FPR3: variants seen among roughly 807,000 people sequenced by gnomAD.
FPR3 encodes the protein formyl peptide receptor 3, also known as N-formyl peptide receptor 3.
For synonymous variants in FPR3, 135 were observed against 163.6 expected (o/e 0.83, Z 1.34); for missense variants, 346 against 443.2 (o/e 0.78, Z 1.97).
intron 1 of FPR3, among the ~76,000 whole-genome samples, chr19:51,806,501 T>A (rs1016493372): frequency 1.3e-5 from 2 of 152,138 alleles, no homozygotes; most frequent in Non-Finnish European, 2.9e-5. Flanking sequence ...TAAATGTAGT[T>A]TTGATTGAGG....
At chr19:51,807,268 T>G (rs898796898) in intron 1 of FPR3, among the ~76,000 whole-genome samples, 1 of 152,188 alleles carries the variant, frequency 6.6e-6, no homozygotes, top group African/African-American at 2.4e-5. Context: ...CTTGCAAGAC[T>G]GCATTCTTAA....
chr19:51,816,791 G>A (rs980625129), intron 1 of FPR3, among the ~76,000 whole-genome samples: 2 of 152,188 alleles, frequency 1.3e-5, no homozygotes, highest in South Asian at 2.1e-4. Flanking sequence ...GACAGCATCA[G>A]AACTGAATTT....
At chr19:51,812,093 G>A (rs2084101175) in intron 1 of FPR3, among the ~76,000 whole-genome samples, 1 of 152,154 alleles carries the variant, frequency 6.6e-6, no homozygotes, top group African/African-American at 2.4e-5. Flanking sequence ...TATGTTGGAG[G>A]TAGGTTGCTC....
chr19:51,796,288 G>A (rs2083998571), intron 1 of FPR3, among the ~76,000 whole-genome samples: 1 of 152,210 alleles, frequency 6.6e-6, no homozygotes, highest in African/African-American at 2.4e-5. Context: ...GAGCCCAGTG[G>A]GTGGAGCCCA....
chr19:51,817,394 A>G (rs2084145429), intron 1 of FPR3, among the ~76,000 whole-genome samples: 1 of 152,170 alleles, frequency 6.6e-6, no homozygotes, highest in Non-Finnish European at 1.5e-5. Context: ...TCATAAAGAG[A>G]GAGAGAGAGA....
At chr19:51,807,867 CT>C (rs1480139011) in intron 1 of FPR3, among the ~76,000 whole-genome samples, 1 of 152,198 alleles carries the variant, frequency 6.6e-6, no homozygotes, top group Non-Finnish European at 1.5e-5. Context: ...CATTTGTGAC[CT>C]ATGCCTGCCC....
In FPR3 at chr19:51,815,880, A is replaced by G. The variant is rs2084132497; in HGVS notation, c.-10-7859A>G. 2.1e-5 allele frequency among the ~76,000 whole-genome samples: 3 copies of G among 144,242 alleles called. No homozygotes were observed. In the South Asian group the frequency reaches 6.2e-4, roughly 30 times the overall value. The allele number at this position is 144,242 out of a possible 152,430, so 94.6% of individuals were successfully genotyped here. A position where few individuals can be genotyped will look rare whatever the true frequency, so the allele number is the denominator to read the frequency against. On this transcript the variant is annotated intron_variant, in intron 1 of 1. Coordinates refer to ENST00000339223, the MANE Select transcript of FPR3 (RefSeq NM_002030.5). ...CTGTCTCAAAAAAAAAAGAAAAAAG[A>G]AAAAAGAAAAAGAAGAAGAAAAAGA...
chr19:51,798,025 T>C (rs1425996917), intron 1 of FPR3, among the ~76,000 whole-genome samples: 1 of 151,834 alleles, frequency 6.6e-6, no homozygotes, highest in Non-Finnish European at 1.5e-5. Flanking sequence ...CTATTCTATT[T>C]AATCCTCCCC....
At chr19:51,823,165 T>G (rs2084203364) in intron 1 of FPR3, among the ~76,000 whole-genome samples, 1 of 152,148 alleles carries the variant, frequency 6.6e-6, no homozygotes, top group African/African-American at 2.4e-5. Context: ...GCCCGGCCTA[T>G]AGCATGTAAT....
At chr19:51,799,587 T>C (rs966284190) in intron 1 of FPR3, among the ~76,000 whole-genome samples, 6 of 152,220 alleles carry the variant, frequency 3.9e-5, no homozygotes, top group Non-Finnish European at 8.8e-5. Context: ...TGCTTGCTGG[T>C]GCTCCATTTT....
At chr19:51,818,404 C>G (rs560912373) in intron 1 of FPR3, among the ~76,000 whole-genome samples, 1 of 152,098 alleles carries the variant, frequency 6.6e-6, no homozygotes, top group Admixed American at 6.5e-5. Context: ...CATTGTGTTT[C>G]CATTGGACAG....
intron 1 of FPR3, among the ~76,000 whole-genome samples, chr19:51,820,302 T>G (rs74526737): frequency 1.3e-5 from 2 of 152,216 alleles, no homozygotes; most frequent in Admixed American, 6.5e-5. Context: ...ATTGTGACAT[T>G]GAACAAGTCA....
intron 1 of FPR3, among the ~76,000 whole-genome samples, chr19:51,813,158 A>C (rs970871397): frequency 7.4e-5 from 11 of 149,314 alleles, no homozygotes; most frequent in South Asian, 2.1e-4. Context: ...ACACACACAC[A>C]CACCCCATAA....
intron 1 of FPR3, among the ~76,000 whole-genome samples, chr19:51,796,448 T>A (rs183908427): frequency 8.9e-4 from 135 of 152,302 alleles, no homozygotes; most frequent in Non-Finnish European, 1.5e-3. Flanking sequence ...AACATCACCA[T>A]CTTATTGGAC....
At chr19:51,818,083 C>T (rs1331933690) in intron 1 of FPR3, among the ~76,000 whole-genome samples, 1 of 151,440 alleles carries the variant, frequency 6.6e-6, no homozygotes, top group Admixed American at 6.6e-5. Context: ...AAGCTGGAAA[C>T]CATCATTCTC....
At position 51,826,048 on chromosome 19, in the gene FPR3, T is replaced by C. The variant is rs1179425245; in HGVS notation, c.*1238T>C. ...TTATTGTTTAAATCATGAATGAATG[T>C]TGAATTTTATTAAATGCAGTTTCTG... On this transcript the variant is annotated 3_prime_UTR_variant, in exon 2 of 2. Transcript: ENST00000339223. The C allele has an allele frequency of 6.1e-6, 1 of 163,606 alleles. No homozygotes were observed. The highest frequency in any genetic ancestry group is 2.4e-5 in the African/African-American group (1 of 41,476). The allele number at this position is 163,606 out of a possible 1,614,324, so 10.1% of individuals were successfully genotyped here.
chr19:51,815,327 C>T (rs1368694816), intron 1 of FPR3, among the ~76,000 whole-genome samples: 2 of 151,980 alleles, frequency 1.3e-5, no homozygotes, highest in East Asian at 3.9e-4. Context: ...TCTCGAAGGC[C>T]GAGGTGGGTG....
chr19:51,812,078 TA>T (rs1461322789), intron 1 of FPR3, among the ~76,000 whole-genome samples: 3 of 152,214 alleles, frequency 2.0e-5, no homozygotes, highest in Admixed American at 6.5e-5. Flanking sequence ...TGTTCTAAAA[TA>T]GCCTATGTTG....
At chr19:51,813,364 C>T (rs1465040780) in intron 1 of FPR3, among the ~76,000 whole-genome samples, 1 of 152,082 alleles carries the variant, frequency 6.6e-6, no homozygotes, top group Non-Finnish European at 1.5e-5. Context: ...TAATTGAAAA[C>T]CTCCACCTTT....
Sources: gnomAD v4.1 joint callset for allele counts (sites outside exome capture counted in the v4.1 genomes callset) on GRCh38, gnomAD v4.1.1 for gene constraint, MANE v1.5 for transcripts, NCBI Gene and HGNC (gene_info 2026-07-23, HGNC 2026-07-21) for gene names.